Variants in NKAIN3 observed in about 807,000 individuals in gnomAD.
NKAIN3 encodes the protein sodium/potassium-transporting ATPase subunit beta-1-interacting protein 3.
A neutral mutation model predicts 30.2 loss-of-function variants in NKAIN3; 25 were observed. That is an observed-to-expected ratio of 0.83 (90% CI 0.60 to 1.16). The LOEUF is 1.16. Ranked by LOEUF, NKAIN3 falls within the 50% of genes most tolerant of loss-of-function variation. The pLI is 0.00. For missense variants in NKAIN3, 225 were observed against 254.1 expected, an observed-to-expected ratio of 0.89 and a Z score of 0.78; for synonymous variants, 91 against 89.6, an observed-to-expected ratio of 1.02 and a Z score of -0.09.
chr8:62,271,053 A>G (rs1563913777), intron 1 of NKAIN3, among the ~76,000 whole-genome samples: 1 of 152,238 alleles, frequency 6.6e-6, no homozygotes, highest in Non-Finnish European at 1.5e-5. Flanking sequence ...AAACCAAGAA[A>G]CATAAGAAAA....
chr8:62,358,945 G>T (rs1816448828), intron 1 of NKAIN3, among the ~76,000 whole-genome samples: 1 of 152,196 alleles, frequency 6.6e-6, no homozygotes, highest in South Asian at 2.1e-4. Flanking sequence ...ACTTTGGGAG[G>T]CCAAGGTGGG....
chr8:62,734,111 G>A (rs1336956196), intron 3 of NKAIN3, among the ~76,000 whole-genome samples: 9 of 151,984 alleles, frequency 5.9e-5, no homozygotes, highest in Non-Finnish European at 1.0e-4. Flanking sequence ...GTGGGACTTC[G>A]TCTCTAAAAA....
Position 62,307,667 on chromosome 8 carries a change from A to G in NKAIN3, c.54+58540A>G, listed in dbSNP as rs1266619715. Among the ~76,000 whole-genome samples the G allele has an allele frequency of 2.7e-5, 4 of 150,770 alleles. 1 individual carries two copies. Among genetic ancestry groups the G allele is most frequent in the African/African-American group, 1.0e-4 (4 of 40,120 alleles). Reference sequence around the variant, plus strand: ...GGGTTTTAGAAAGATTAAAATGCGTAAGGCTTGGCCTCAAGTTGTTTGTAT... The same window carrying G: ...GGGTTTTAGAAAGATTAAAATGCGTGAGGCTTGGCCTCAAGTTGTTTGTAT... On this transcript the variant is annotated intron_variant, in intron 1 of 6. Coordinates refer to ENST00000623646, the MANE Select transcript of NKAIN3 (RefSeq NM_001304533.3).
intron 3 of NKAIN3, among the ~76,000 whole-genome samples, chr8:62,642,952 A>G (rs1812352689): frequency 6.6e-6 from 1 of 152,184 alleles, no homozygotes; most frequent in Admixed American, 6.5e-5. Context: ...TGAAATTTAT[A>G]TATTATTAAG....
At chr8:62,492,919 G>A (rs1366480283) in intron 1 of NKAIN3, among the ~76,000 whole-genome samples, 2 of 152,084 alleles carry the variant, frequency 1.3e-5, no homozygotes, top group African/African-American at 4.8e-5. Flanking sequence ...ATTTGTTTGA[G>A]TTCCTTATAG....
chr8:62,341,732 A>T lies in NKAIN3; in HGVS notation c.54+92605A>T, dbSNP rs1815753601. On this transcript the variant is annotated intron_variant, in intron 1 of 6. Transcript: ENST00000623646. ...TAATGCCAGAAAAAAAAACAAAACA[A>T]GCAGAAACTACATCTCTTGTGAATA... Among the ~76,000 whole-genome samples, 3 of 152,000 alleles carry T rather than the reference A, an allele frequency of 2.0e-5. No individual in the cohort carries two copies. The South Asian group carries it at 6.2e-4, about 31-fold the overall frequency.
chr8:62,391,056 GTTTGTCAATTTTTAATT>G (rs1817571281), intron 1 of NKAIN3, among the ~76,000 whole-genome samples: 1 of 152,132 alleles, frequency 6.6e-6, no homozygotes, highest in African/African-American at 2.4e-5. Context: ...ATTAGATCCT[GTTTGTCAATTTTTAATT>G]TTGTTGCAAT....
chr8:62,992,756 T>C (rs1008186988), intron 5 of NKAIN3, among the ~76,000 whole-genome samples: 11 of 152,230 alleles, frequency 7.2e-5, no homozygotes, highest in Admixed American at 3.3e-4. Context: ...GCATGCAAAT[T>C]CTTTCAAAAG....
At position 62,972,045 on chromosome 8, in the gene NKAIN3, C is replaced by A. The variant is rs1823847103; in HGVS notation, c.*6638C>A. 6.6e-6 allele frequency among the ~76,000 whole-genome samples: 1 copy of A among 152,112 alleles called. No individual in the cohort carries two copies. The highest frequency in any genetic ancestry group is 2.1e-4 in the South Asian group (1 of 4,824). ...ATTGTGCTGCCACAATAAATTAATTCTTCTATGGTCATAACACTTGGCTAT... is the reference window on the plus strand; with the variant it reads ...ATTGTGCTGCCACAATAAATTAATTATTCTATGGTCATAACACTTGGCTAT... On this transcript the variant is annotated 3_prime_UTR_variant, in exon 7 of 7. Transcript: ENST00000623646.
intron 1 of NKAIN3, among the ~76,000 whole-genome samples, chr8:62,411,680 T>G (rs981818700): frequency 2.0e-5 from 3 of 152,180 alleles, no homozygotes; most frequent in Admixed American, 6.5e-5. Context: ...AAGAGACTAC[T>G]AGAACTGATA....
chr8:62,582,590 C>A (rs1193563549), intron 2 of NKAIN3, among the ~76,000 whole-genome samples: 1 of 151,998 alleles, frequency 6.6e-6, no homozygotes, highest in Non-Finnish European at 1.5e-5. Flanking sequence ...CACAAGGGAA[C>A]AAGGGAGTGA....
At chr8:62,960,222 G>A (rs572163685) in intron 6 of NKAIN3, among the ~76,000 whole-genome samples, 1 of 152,296 alleles carries the variant, frequency 6.6e-6, no homozygotes, top group Admixed American at 6.5e-5. Flanking sequence ...ATGCAAGAGG[G>A]TTTGCTGTGA....
chr8:62,881,616 CCA>C (rs1238778495), intron 4 of NKAIN3, among the ~76,000 whole-genome samples: 2 of 152,166 alleles, frequency 1.3e-5, no homozygotes, highest in Admixed American at 1.3e-4. Context: ...TCTAGATATA[CCA>C]CAGTTTATCC....
At chr8:62,530,044 A>G (rs930584870) in intron 1 of NKAIN3, among the ~76,000 whole-genome samples, 1 of 152,154 alleles carries the variant, frequency 6.6e-6, no homozygotes, top group African/African-American at 2.4e-5. Flanking sequence ...CACCCAATTC[A>G]AAAAAGTTTG....
At chr8:62,799,587 A>G (rs1259388986) in intron 4 of NKAIN3, among the ~76,000 whole-genome samples, 1 of 152,220 alleles carries the variant, frequency 6.6e-6, no homozygotes, top group Admixed American at 6.5e-5. Flanking sequence ...AGACTTTTAC[A>G]CTGTTGGTGG....
At chr8:62,729,019 C>CAAAT (rs1563534753) in intron 3 of NKAIN3, among the ~76,000 whole-genome samples, 1 of 10,468 alleles carries the variant, frequency 9.6e-5, no homozygotes, top group Non-Finnish European at 1.8e-4. Context: ...ACAAAACAAA[C>CAAAT]AAACCAAAAA....
chr8:62,259,710 A>G (rs1812372668), intron 1 of NKAIN3, among the ~76,000 whole-genome samples: 1 of 152,190 alleles, frequency 6.6e-6, no homozygotes, highest in African/African-American at 2.4e-5. Flanking sequence ...AGATATTTTA[A>G]GATGAGCATA....
intron 1 of NKAIN3, among the ~76,000 whole-genome samples, chr8:62,318,874 T>C (rs1397233782): frequency 6.6e-6 from 1 of 152,140 alleles, no homozygotes; most frequent in African/African-American, 2.4e-5. Context: ...GATTCCCTCT[T>C]TTTCTATTGA....
intron 3 of NKAIN3, among the ~76,000 whole-genome samples, chr8:62,621,350 A>T (rs1210938202): frequency 6.6e-6 from 1 of 152,110 alleles, no homozygotes; most frequent in Non-Finnish European, 1.5e-5. Flanking sequence ...GATTTTATTA[A>T]TAAATGTAAT....
Sources: allele counts gnomAD v4.1 joint callset (sites outside exome capture counted in the v4.1 genomes callset), GRCh38; gene constraint gnomAD v4.1.1; transcripts MANE v1.5; gene names NCBI Gene and HGNC (gene_info 2026-07-23, HGNC 2026-07-21).